The following ZNF782 variants were observed in gnomAD, a reference collection of about 807,000 sequenced individuals.
ZNF782 encodes zinc finger protein 782.
Under a neutral mutation model 13.0 loss-of-function variants are expected in ZNF782, and 12 were observed. That is an observed-to-expected ratio of 0.92 (90% CI 0.59 to 1.50). The LOEUF (loss-of-function observed/expected upper bound fraction) is 1.50, where lower values mean the gene tolerates loss of function less well. ZNF782 is among the 40% of genes most tolerant of loss of function. The pLI, the probability that ZNF782 is intolerant of heterozygous loss-of-function variation, is 0.00. For synonymous variants in ZNF782, 284 were observed against 283.0 expected, an observed-to-expected ratio of 1.00 and a Z score of -0.04; for missense variants, 770 against 822.9, an observed-to-expected ratio of 0.94 and a Z score of 0.79.
upstream of ZNF782, among the ~76,000 whole-genome samples, chr9:96,877,174 A>T (rs937097531): frequency 1.3e-5 from 2 of 152,132 alleles, no homozygotes; most frequent in Admixed American, 1.3e-4. Context: ...TTATTCCGTA[A>T]CATCAATAAT....
intron 1 of ZNF782, chr9:96,875,378 T>C: frequency 2.3e-6 from 1 of 430,118 alleles, no homozygotes; most frequent in South Asian, 1.6e-5. Flanking sequence ...TTTACCTAAG[T>C]TTCAAAACAA....
chr9:96,856,998 T>TGG (rs1222509535), upstream of ZNF782, among the ~76,000 whole-genome samples: 1 of 152,182 alleles, frequency 6.6e-6, no homozygotes, highest in Non-Finnish European at 1.5e-5. Flanking sequence ...CAGCAGCCAC[T>TGG]GGGGGGCTCT....
chr9:96,827,365 T>G (rs1169698913), intron 4 of ZNF782, among the ~76,000 whole-genome samples, 184 bp from the exon 5 acceptor site: 1 of 152,056 alleles, frequency 6.6e-6, no homozygotes. Flanking sequence ...AGGGTCCCTA[T>G]GTCACTCAGG....
the ZNF782 span, chr9:96,902,779 TTTATTATTATTATTA>T: frequency 4.7e-4 from 65 of 138,762 alleles, no homozygotes; most frequent in African/African-American, 1.6e-3. Flanking sequence ...GTTCTATCAG[TTTATTATTATTATTA>T]TTATTATTAT....
At chr9:96,917,905 T>C in the ZNF782 span, among the ~76,000 whole-genome samples, 409 of 149,532 alleles carry the variant, frequency 2.7e-3, 7 homozygotes, top group African/African-American at 8.1e-3. Flanking sequence ...TGTGTGTGTG[T>C]GTGTGTGTGT....
chr9:96,854,759 C>T (rs1389689847), upstream of ZNF782, among the ~76,000 whole-genome samples: 1 of 152,032 alleles, frequency 6.6e-6, no homozygotes, highest in East Asian at 1.9e-4. Context: ...AAGAGTAGCC[C>T]TCCATTGGTT....
intron 1 of ZNF782, among the ~76,000 whole-genome samples, chr9:96,869,963 G>C (rs1851804875): frequency 6.6e-6 from 1 of 152,198 alleles, no homozygotes; most frequent in Non-Finnish European, 1.5e-5. Context: ...ACAGGTAACA[G>C]ATGATACTGC....
chr9:96,886,985 A>C, the ZNF782 span, among the ~76,000 whole-genome samples: 1 of 151,178 alleles, frequency 6.6e-6, no homozygotes, highest in Admixed American at 6.6e-5. Context: ...CAAATAACCC[A>C]CAGAGAGGGA....
At chr9:96,833,621 G>A (rs1246416230) in intron 4 of ZNF782, among the ~76,000 whole-genome samples, 2 of 152,172 alleles carry the variant, frequency 1.3e-5, no homozygotes, top group East Asian at 3.8e-4. Context: ...TGATCACCTG[G>A]TGGAGGTAAT....
chr9:96,820,501 G>A (rs1425499929), intron 5 of ZNF782, among the ~76,000 whole-genome samples: 1 of 151,666 alleles, frequency 6.6e-6, no homozygotes, highest in East Asian at 1.9e-4. Flanking sequence ...CCCTAGCTCT[G>A]GTGACTTGGT....
At chr9:96,861,015 G>T (rs1397908440) in intron 2 of ZNF782, among the ~76,000 whole-genome samples, 6 of 152,344 alleles carry the variant, frequency 3.9e-5, no homozygotes, top group African/African-American at 1.2e-4. Context: ...GGGAGGCTGA[G>T]AGAGGAGGAT....
At chr9:96,822,377 G>A (rs1850452727) in intron 5 of ZNF782, among the ~76,000 whole-genome samples, 1 of 152,208 alleles carries the variant, frequency 6.6e-6, no homozygotes, top group South Asian at 2.1e-4. Context: ...TGGGAATGGA[G>A]CACATTCATA....
chr9:96,892,761 T>C, the ZNF782 span: 3 of 152,252 alleles, frequency 2.0e-5, no homozygotes, highest in Non-Finnish European at 2.9e-5. Context: ...GAAATAACTT[T>C]TTTCAAGCAC....
chr9:96,818,553 C>A lies in ZNF782; in HGVS notation c.1470G>T (p.Met490Ile). 1 of 1,613,390 alleles carries A rather than the reference C, an allele frequency of 6.2e-7. No homozygotes were observed. The highest frequency in any genetic ancestry group is 8.5e-7 in the Non-Finnish European group (1 of 1,179,860). ...CNECGKSFSHMSGLRNHRRTH... is the reference protein window; with the variant it reads ...CNECGKSFSHISGLRNHRRTH... ...TTCTTCGGTGATTCCTTAGGCCTGA[C>A]ATATGGCTGAAAGATTTCCCGCATT... The change falls in exon 6 of 6, where the codon ATG becomes ATT. Residue 490 changes from methionine (M) to isoleucine (I), a missense_variant. Transcript: ENST00000481138.
At chr9:96,901,826 C>A in the ZNF782 span, among the ~76,000 whole-genome samples, 1 of 141,934 alleles carries the variant, frequency 7.0e-6, no homozygotes, top group African/African-American at 2.6e-5. Context: ...GTTGCAGTGA[C>A]CAAGATCGCG....
At chr9:96,865,464 T>C (rs141091750) in intron 1 of ZNF782, among the ~76,000 whole-genome samples, 2,119 of 152,284 alleles carry the variant, frequency 0.014, 15 homozygotes, top group Non-Finnish European at 0.021. Flanking sequence ...CTCCTTGCCT[T>C]TTGCAGTGAT....
At chr9:96,905,989 G>A in the ZNF782 span, among the ~76,000 whole-genome samples, 14 of 152,154 alleles carry the variant, frequency 9.2e-5, no homozygotes, top group Non-Finnish European at 2.1e-4. Context: ...TCTGGGTCAG[G>A]ACCCCTTTTT....
chr9:96,832,067 TTC>T (rs1258468089), intron 4 of ZNF782, among the ~76,000 whole-genome samples: 2 of 152,198 alleles, frequency 1.3e-5, no homozygotes, highest in Non-Finnish European at 2.9e-5. Context: ...TTCCCTGATC[TTC>T]TCTCTTGAAC....
At chr9:96,832,103 T>C (rs1327760360) in intron 4 of ZNF782, among the ~76,000 whole-genome samples, 1 of 152,174 alleles carries the variant, frequency 6.6e-6, no homozygotes, top group Non-Finnish European at 1.5e-5. Context: ...TTCCATTTTT[T>C]ACTTATCTAT....
Sources: gnomAD v4.1 joint callset for allele counts (sites outside exome capture counted in the v4.1 genomes callset) on GRCh38, gnomAD v4.1.1 for gene constraint, MANE v1.5 for transcripts, NCBI Gene and HGNC (gene_info 2026-07-23, HGNC 2026-07-21) for gene names.